DCDC1: variants seen among roughly 807,000 people sequenced by gnomAD.
The protein encoded by DCDC1 is doublecortin domain containing 1.
Under a neutral mutation model 178.3 loss-of-function variants are expected in DCDC1, and 200 were observed. The observed-to-expected ratio is 1.12, with a 90% CI of 1.00 to 1.26. The LOEUF (loss-of-function observed/expected upper bound fraction) is 1.26. Ranked by LOEUF, DCDC1 falls within the 50% of genes most tolerant of loss-of-function variation. The pLI is 0.00. For synonymous variants in DCDC1, 690 were observed against 604.8 expected (o/e 1.14, Z -2.07); for missense variants, 1,983 against 1,749.2 (o/e 1.13, Z -2.38).
chr11:30,900,350 T>C lies in DCDC1; in HGVS notation c.4659A>G (p.Pro1553=). The change falls in exon 33 of 39, where the codon CCA becomes CCG. Residue 1553 remains proline (P), a synonymous_variant. Transcript: ENST00000684477. ...AAGCAAAAACAAAAAAGTTACCATT[T>C]GGAGGTAGAAATGGTTCACCACAAG... The part of the protein sequence containing the change: ...WVSCGEPFLP[P]NALQKAEKLE... The C allele has an allele frequency of 6.6e-7, 1 of 1,522,250 alleles. No individual in the cohort carries two copies. Among genetic ancestry groups the C allele is most frequent in the South Asian group, 1.4e-5 (1 of 73,046 alleles). The allele number at this position is 1,522,250 out of a possible 1,614,324, so 94.3% of individuals were successfully genotyped here. A position where few individuals can be genotyped will look rare whatever the true frequency, so the allele number is the denominator to read the frequency against.
Position 30,883,461 on chromosome 11 carries a change from A to C in DCDC1, c.5083-2153T>G, listed in dbSNP as rs565996616. 5 of 460,314 alleles carry C rather than the reference A, an allele frequency of 1.1e-5. No individual in the cohort carries two copies. In the Middle Eastern group the frequency reaches 1.0e-3, roughly 92 times the overall value. The allele number at this position is 460,314 out of a possible 1,614,324, so 28.5% of individuals were successfully genotyped here. On this transcript the variant is annotated intron_variant, in intron 36 of 38. Transcript: ENST00000684477. ...TAACCTTAAGCAGTTATCAAAAAAT[A>C]GAAGAAAACTTTCCTGCTCCAAATA... is the stretch of plus-strand genomic sequence containing the variant.
At chr11:30,920,609 T>C (rs1334461011) in intron 25 of DCDC1, among the ~76,000 whole-genome samples, 167 bp downstream of exon 25, 2 of 152,196 alleles carry the variant, frequency 1.3e-5, no homozygotes, top group Admixed American at 6.5e-5. Flanking sequence ...ATCGAAGCTG[T>C]AGTTGTATCA....
chr11:31,074,767 G>A (rs771804444), intron 18 of DCDC1, among the ~76,000 whole-genome samples: 29 of 152,298 alleles, frequency 1.9e-4, no homozygotes, highest in South Asian at 1.5e-3. Context: ...CTTTGGAACC[G>A]GGTAATGAAC....
Position 30,994,579 on chromosome 11 carries a change from C to T in DCDC1, c.2592-42011G>A, listed in dbSNP as rs575838150. Among the ~76,000 whole-genome samples the T allele has an allele frequency of 8.3e-4, 122 of 146,624 alleles. 2 individuals are homozygous for T. Among genetic ancestry groups the T allele is most frequent in the Admixed American group, 6.3e-3 (91 of 14,454 alleles). On this transcript the variant is annotated intron_variant, in intron 20 of 38. Transcript: ENST00000684477. ...TATATGCCCTTTGTAAGGGTAAAAA[C>T]GTCTAGGTGGGGTGGCTCACACCTG... is the stretch of plus-strand genomic sequence containing the variant.
At chr11:31,332,644 G>A (rs1347721629) in intron 2 of DCDC1, among the ~76,000 whole-genome samples, 1 of 152,170 alleles carries the variant, frequency 6.6e-6, no homozygotes, top group Non-Finnish European at 1.5e-5. Context: ...TTACCCAGTA[G>A]TCATTCAAGA....
At chr11:31,357,534 G>A (rs1951447948) in intron 1 of DCDC1, among the ~76,000 whole-genome samples, 1 of 152,174 alleles carries the variant, frequency 6.6e-6, no homozygotes, top group Admixed American at 6.5e-5. Context: ...GCACAAGACA[G>A]GGATGCCCTC....
chr11:31,281,622 G>T (rs1191871675), intron 7 of DCDC1, among the ~76,000 whole-genome samples: 1 of 151,984 alleles, frequency 6.6e-6, no homozygotes, highest in Admixed American at 6.6e-5. Flanking sequence ...ATCTTGAATT[G>T]TACTCCCATA....
intron 21 of DCDC1, chr11:30,943,829 T>A (rs1194896889): frequency 3.2e-6 from 1 of 314,422 alleles, no homozygotes; most frequent in African/African-American, 2.2e-5. Flanking sequence ...TATTTAAAAG[T>A]GAGGACAGCA....
chr11:30,892,312 T>C (rs868731313), intron 36 of DCDC1, among the ~76,000 whole-genome samples: 2 of 152,130 alleles, frequency 1.3e-5, no homozygotes, highest in South Asian at 2.1e-4. Flanking sequence ...AAGAATATGA[T>C]AGGCTTTCTC....
chr11:31,216,384 T>C (rs768251797), intron 9 of DCDC1, among the ~76,000 whole-genome samples: 1 of 152,142 alleles, frequency 6.6e-6, no homozygotes, highest in Non-Finnish European at 1.5e-5. Flanking sequence ...GAATTCACCT[T>C]TCAGAATCCA....
chr11:31,331,455 G>A (rs1380211452), intron 2 of DCDC1, among the ~76,000 whole-genome samples: 1 of 152,174 alleles, frequency 6.6e-6, no homozygotes, highest in Non-Finnish European at 1.5e-5. Flanking sequence ...TCCCTGTCTT[G>A]TGCCAGTTTT....
At chr11:30,991,603 G>GT (rs1950985949) in intron 20 of DCDC1, among the ~76,000 whole-genome samples, 1 of 151,900 alleles carries the variant, frequency 6.6e-6, no homozygotes, top group Non-Finnish European at 1.5e-5. Flanking sequence ...TACTCTAAAC[G>GT]TAACTACACC....
At chr11:30,980,875 G>A (rs949658122) in intron 20 of DCDC1, among the ~76,000 whole-genome samples, 1 of 152,084 alleles carries the variant, frequency 6.6e-6, no homozygotes, top group Non-Finnish European at 1.5e-5. Flanking sequence ...CAAAGGAAGA[G>A]AAATCACTAT....
intron 8 of DCDC1, among the ~76,000 whole-genome samples, chr11:31,253,912 G>T (rs1045143076): frequency 6.6e-6 from 1 of 152,126 alleles, no homozygotes; most frequent in African/African-American, 2.4e-5. Flanking sequence ...CACTTGCAAT[G>T]CTCTTCCCCG....
intron 21 of DCDC1, among the ~76,000 whole-genome samples, chr11:30,948,389 T>C (rs909722319): frequency 3.9e-5 from 6 of 152,150 alleles, no homozygotes; most frequent in Non-Finnish European, 8.8e-5. Flanking sequence ...TCCATGCTCA[T>C]AGATAGAAAG....
intron 20 of DCDC1, among the ~76,000 whole-genome samples, chr11:31,032,937 C>T (rs1202693391): frequency 1.3e-5 from 2 of 152,006 alleles, no homozygotes; most frequent in Non-Finnish European, 2.9e-5. Flanking sequence ...AAGATAGCGG[C>T]GCCTGCTTTT....
intron 20 of DCDC1, among the ~76,000 whole-genome samples, chr11:31,047,840 C>T (rs1353537807): frequency 6.6e-6 from 1 of 152,026 alleles, no homozygotes; most frequent in African/African-American, 2.4e-5. Context: ...TTTAGCAGTG[C>T]ACAACTTATT....
chr11:31,235,365 G>T (rs1020013233), intron 9 of DCDC1, among the ~76,000 whole-genome samples: 1 of 149,816 alleles, frequency 6.7e-6, no homozygotes, highest in Non-Finnish European at 1.5e-5. Flanking sequence ...TATAAACTTA[G>T]AAAAATGGTC....
chr11:31,307,175 T>C lies in DCDC1; in HGVS notation c.434+464A>G, dbSNP rs1168546165. Among the ~76,000 whole-genome samples, 3 of 152,162 alleles carry C rather than the reference T, an allele frequency of 2.0e-5. No homozygotes were observed. In the East Asian group the frequency reaches 5.8e-4, roughly 29 times the overall value. Reference sequence around the variant, plus strand: ...AAATAGTGGGGTATTAGTTTCTTGGTTTGATTTTTGTTTTTACTAATATTT... The same window carrying C: ...AAATAGTGGGGTATTAGTTTCTTGGCTTGATTTTTGTTTTTACTAATATTT... On this transcript the variant is annotated intron_variant, in intron 4 of 38. Transcript: ENST00000684477.
Sources: gnomAD v4.1 joint callset for allele counts (sites outside exome capture counted in the v4.1 genomes callset) on GRCh38, gnomAD v4.1.1 for gene constraint, MANE v1.5 for transcripts, NCBI Gene and HGNC (gene_info 2026-07-23, HGNC 2026-07-21) for gene names.